ZG16: variants seen among roughly 807,000 people sequenced by gnomAD.
ZG16 encodes the protein zymogen granule protein 16, also known as zymogen granule membrane protein 16.
ZG16 carries 9 observed loss-of-function variants against 15.6 expected under a neutral mutation model. The ratio of observed to expected loss-of-function variants is 0.58; its 90% confidence interval spans 0.35 to 1.00. ZG16 has a LOEUF of 1.00. Among genes scored for constraint, ZG16 ranks in the 50% least tolerant of loss-of-function variants. The pLI, the probability that ZG16 is intolerant of heterozygous loss-of-function variation, is 0.02. For missense variants in ZG16, 174 were observed against 214.8 expected, an observed-to-expected ratio of 0.81 and a Z score of 1.19; for synonymous variants, 89 against 87.4, an observed-to-expected ratio of 1.02 and a Z score of -0.10.
rs949461417 is a variant in ZG16 at position 29,782,429 on chromosome 16, T to A, written c.*2010T>A. On this transcript the variant is annotated 3_prime_UTR_variant, in exon 4 of 4. Transcript: ENST00000400752. Reference sequence around the variant, plus strand: ...TGAGGAGTTGAAGTTCCCCGTAGGATCTTCTAGGGCTCAACCAGCCTTCAT... The same window carrying A: ...TGAGGAGTTGAAGTTCCCCGTAGGAACTTCTAGGGCTCAACCAGCCTTCAT... 6.6e-6 allele frequency: 1 copy of A among 152,144 alleles called. No homozygotes were observed. The highest frequency in any genetic ancestry group is 6.5e-5 in the Admixed American group (1 of 15,270). 9.4% of individuals were successfully genotyped at this position (152,144 alleles called of 1,614,324 possible).
chr16:29,780,317 C>T lies in ZG16; in HGVS notation c.402C>T (p.His134=). The T allele has an allele frequency of 6.5e-7, 1 of 1,537,350 alleles. No individual in the cohort carries two copies. Among genetic ancestry groups the T allele is most frequent in the South Asian group, 1.2e-5 (1 of 84,064 alleles). The change falls in exon 4 of 4, where the codon CAC becomes CAT. Residue 134 remains histidine, a synonymous_variant. Coordinates refer to ENST00000400752, the MANE Select transcript of ZG16 (RefSeq NM_152338.4). Reference sequence around the variant, plus strand: ...CAAGTTTCAATGCCGTCCCCTTGCACCCCAACACCGTGCTCCGCTTCATCA... The same window carrying T: ...CAAGTTTCAATGCCGTCCCCTTGCATCCCAACACCGTGCTCCGCTTCATCA... ...SGTSFNAVPL[H]PNTVLRFISG... is the part of the protein sequence containing the mutation.
rs1157165347 is a variant in ZG16, at chr16:29,779,406, GC to G, written c.55+86del. 3 of 1,535,118 alleles carry G rather than the reference GC, an allele frequency of 2.0e-6. No individual in the cohort carries two copies. In the African/African-American group the frequency reaches 4.1e-5, roughly 21 times the overall value. The stretch of plus-strand genomic sequence containing the variant: ...TGTTGGCCAAGGCTTTTGGAGGTTG[GC>G]TTGGGGTGGGGAGCTGAGTTGTCGG... On this transcript the variant is annotated intron_variant, in intron 2 of 3. Transcript: ENST00000400752.
Position 29,781,596 on chromosome 16 carries a change from G to A in ZG16, c.*1177G>A, listed in dbSNP as rs1898625510. On this transcript the variant is annotated 3_prime_UTR_variant, in exon 4 of 4. Transcript: ENST00000400752. ...GAGTTGGAGACAAGCCTCCAACATG[G>A]TAAAACCCTGTCTCTACTAAAAATA... 1 of 152,124 alleles carries A rather than the reference G, an allele frequency of 6.6e-6. No homozygotes were observed. Among genetic ancestry groups the A allele is most frequent in the African/African-American group, 2.4e-5 (1 of 41,388 alleles). 9.4% of individuals were successfully genotyped at this position (152,124 alleles called of 1,614,324 possible).
chr16:29,778,768 T>G (rs235662), intron 1 of ZG16, among the ~76,000 whole-genome samples: 137,599 of 152,120 alleles, frequency 0.9, 63,732 homozygotes, highest in Non-Finnish European at 1. Context: ...TGCCCCATAA[T>G]CCAGGCCAAT....
Position 29,780,642 on chromosome 16 carries a change from G to A in ZG16, c.*223G>A. 3.7e-6 allele frequency: 2 copies of A among 543,372 alleles called. No homozygotes were observed. Among genetic ancestry groups the A allele is most frequent in the East Asian group, 3.0e-5 (1 of 32,988 alleles). The allele number at this position is 543,372 out of a possible 1,614,324, so 33.7% of individuals were successfully genotyped here. A position where few individuals can be genotyped will look rare whatever the true frequency, so the allele number is the denominator to read the frequency against. On this transcript the variant is annotated 3_prime_UTR_variant, in exon 4 of 4. Coordinates refer to ENST00000400752, the MANE Select transcript of ZG16 (RefSeq NM_152338.4). The stretch of plus-strand genomic sequence containing the variant: ...AGATGGGAAGATGAGGGAGAGGTAT[G>A]TAAGAATCCTGGGCTTTGTGCTATA...
intron 3 of ZG16, 111 bp from the exon 4 acceptor site, chr16:29,779,993 C>A: frequency 9.6e-7 from 1 of 1,037,952 alleles, no homozygotes; most frequent in Non-Finnish European, 1.4e-6. Context: ...TTGAAGTTCC[C>A]TGTAGGATCT....
rs1263258403 is a variant in ZG16 at position 29,780,093 on chromosome 16, C to A, written c.189-11C>A. 6.5e-7 allele frequency: 1 copy of A among 1,530,200 alleles called. No homozygotes were observed. The highest frequency in any genetic ancestry group is 2.0e-5 in the Admixed American group (1 of 50,580). The allele number at this position is 1,530,200 out of a possible 1,614,324, so 94.8% of individuals were successfully genotyped here. ...CCTTTCTTTCTCCTTCCTTCCTCCC[C>A]TCTTCCTCAGTCTTCAGGTGCGCTA... On this transcript the variant is annotated splice_polypyrimidine_tract_variant and intron_variant, in intron 3 of 3. Coordinates refer to ENST00000400752, the MANE Select transcript of ZG16 (RefSeq NM_152338.4).
intron 3 of ZG16, 44 bp from the exon 4 acceptor site, chr16:29,780,060 T>G (rs1298855315): frequency 6.7e-7 from 1 of 1,486,892 alleles, no homozygotes; most frequent in Non-Finnish European, 9.0e-7. Flanking sequence ...CTCTCATCCC[T>G]ATCATCACCT....
rs1045033497 is a variant in ZG16 at position 29,782,108 on chromosome 16, C to T, written c.*1689C>T. 3 of 152,230 alleles carry T rather than the reference C, an allele frequency of 2.0e-5. No individual in the cohort carries two copies. Among genetic ancestry groups the T allele is most frequent in the Non-Finnish European group, 4.4e-5 (3 of 68,036 alleles). The allele number at this position is 152,230 out of a possible 1,614,324, so 9.4% of individuals were successfully genotyped here. On this transcript the variant is annotated 3_prime_UTR_variant, in exon 4 of 4. Transcript: ENST00000400752. ...TGCACCCAAATGCTGTCCTTTAACT[C>T]ATCAGTTACAGTGCTGGATCCCTCA... is the stretch of plus-strand genomic sequence containing the variant.
rs1331479759 is a variant in ZG16, at chr16:29,781,101, T to C, written c.*682T>C. On this transcript the variant is annotated 3_prime_UTR_variant, in exon 4 of 4. Coordinates refer to ENST00000400752, the MANE Select transcript of ZG16 (RefSeq NM_152338.4). ...CCCTGCCCACACTATGCTCTTAGGC[T>C]TTAGCCATCAGAAGGTTACAGTGGA... The C allele has an allele frequency of 3.3e-5, 5 of 152,314 alleles. No homozygotes were observed. Among genetic ancestry groups the C allele is most frequent in the Non-Finnish European group, 5.9e-5 (4 of 68,136 alleles). The allele number at this position is 152,314 out of a possible 1,614,324, so 9.4% of individuals were successfully genotyped here. A position where few individuals can be genotyped will look rare whatever the true frequency, so the allele number is the denominator to read the frequency against.
In ZG16 at chr16:29,780,460, A is replaced by T. The variant is rs1358593820; in HGVS notation, c.*41A>T. The T allele has an allele frequency of 1.6e-5, 24 of 1,462,320 alleles. No homozygotes were observed. The highest frequency in any genetic ancestry group is 2.1e-5 in the Non-Finnish European group (23 of 1,098,592). The allele number at this position is 1,462,320 out of a possible 1,614,324, so 90.6% of individuals were successfully genotyped here. ...CAGGGGCACTGTGATGAGGAGTAAGAACTCCCTTATCACTAACCCCCATCC... is the reference window on the plus strand; with the variant it reads ...CAGGGGCACTGTGATGAGGAGTAAGTACTCCCTTATCACTAACCCCCATCC... On this transcript the variant is annotated 3_prime_UTR_variant, in exon 4 of 4. Coordinates refer to ENST00000400752, the MANE Select transcript of ZG16 (RefSeq NM_152338.4).
rs182447381 is a variant in ZG16, at chr16:29,779,052, G to A, written c.-7-208G>A. Among the ~76,000 whole-genome samples, 16 of 152,312 alleles carry A rather than the reference G, an allele frequency of 1.1e-4. No homozygotes were observed. The East Asian group carries it at 2.9e-3, about 28-fold the overall frequency. ...GGCTACAGCCAGACCAGGGAGAGCT[G>A]GAGGGGTCAGGGACATTGAAGGTAG... On this transcript the variant is annotated intron_variant, in intron 1 of 3. Coordinates refer to ENST00000400752, the MANE Select transcript of ZG16 (RefSeq NM_152338.4).
Position 29,779,505 on chromosome 16 carries a change from T to C in ZG16, c.56T>C (p.Ile19Thr), listed in dbSNP as rs1898597482. The part of the protein sequence containing the change: ...LLCASASGNA[I>T]QARSSSYSGE... ...CTCCAACTCCTGCTTGCCCCTCCAG[T>C]TCAGGCCAGGTCTTCCTCCTATAGT... The change falls in exon 3 of 4, where the codon ATT (isoleucine) becomes ACT (threonine). Residue 19 changes from isoleucine to threonine, a missense_variant and splice_region_variant. Coordinates refer to ENST00000400752, the MANE Select transcript of ZG16 (RefSeq NM_152338.4). The C allele has an allele frequency of 2.0e-6, 3 of 1,537,126 alleles. No homozygotes were observed. Among genetic ancestry groups the C allele is most frequent in the East Asian group, 2.4e-5 (1 of 40,896 alleles).
chr16:29,782,039 C>T lies in ZG16; in HGVS notation c.*1620C>T, dbSNP rs548811947. On this transcript the variant is annotated 3_prime_UTR_variant, in exon 4 of 4. Transcript: ENST00000400752. The stretch of plus-strand genomic sequence containing the variant: ...GTCTTTGTGACAGACAAGAGCTGCT[C>T]TGCCTCTTGGGAAACACAGGCACCA... 1 of 152,380 alleles carries T rather than the reference C, an allele frequency of 6.6e-6. No homozygotes were observed. The highest frequency in any genetic ancestry group is 6.5e-5 in the Admixed American group (1 of 15,296). The allele number at this position is 152,380 out of a possible 1,614,324, so 9.4% of individuals were successfully genotyped here.
intron 2 of ZG16, 75 bp from the exon 3 acceptor site, chr16:29,779,430 C>T (rs908613623): frequency 6.5e-6 from 10 of 1,534,504 alleles, no homozygotes; most frequent in South Asian, 3.6e-5. Flanking sequence ...GCTGAGTTGT[C>T]GGAGGAACAG....
At position 29,779,317 on chromosome 16, in the gene ZG16, T is replaced by C. The variant is rs1482048692; in HGVS notation, c.51T>C (p.Asn17=). Reference sequence around the variant, plus strand: ...TTCTCTGTGCCTCAGCCTCTGGCAATGCCAGTAAGTGAGATACCAGGAGCC... The same window carrying C: ...TTCTCTGTGCCTCAGCCTCTGGCAACGCCAGTAAGTGAGATACCAGGAGCC... The part of the protein sequence containing the change: ...LALLCASASG[N]AIQARSSSYS... The change falls in exon 2 of 4, where the codon AAT becomes AAC. Residue 17 remains asparagine (N), a synonymous_variant. Transcript: ENST00000400752. The C allele has an allele frequency of 1.3e-6, 2 of 1,537,686 alleles. No individual in the cohort carries two copies. Among genetic ancestry groups the C allele is most frequent in the African/African-American group, 1.4e-5 (1 of 73,158 alleles).
At position 29,782,171 on chromosome 16, in the gene ZG16, G is replaced by T. The variant is rs1293635421; in HGVS notation, c.*1752G>T. On this transcript the variant is annotated 3_prime_UTR_variant, in exon 4 of 4. Transcript: ENST00000400752. ...CGGGGCTAGCAATATGTCTGCCCCA[G>T]TGAATGCAGCCGCCACGGAGCCCCA... 1 of 152,292 alleles carries T rather than the reference G, an allele frequency of 6.6e-6. No homozygotes were observed. Among genetic ancestry groups the T allele is most frequent in the Non-Finnish European group, 1.5e-5 (1 of 68,068 alleles). 9.4% of individuals were successfully genotyped at this position (152,292 alleles called of 1,614,324 possible).
intron 1 of ZG16, 74 bp from the exon 2 acceptor site, chr16:29,779,186 T>A (rs2142353055): frequency 6.9e-7 from 1 of 1,453,852 alleles, no homozygotes; most frequent in Admixed American, 2.0e-5. Flanking sequence ...GAGCTGCAGG[T>A]CAGGAGTGCC....
At position 29,782,704 on chromosome 16, in the gene ZG16, A is replaced by G. The variant is rs1898636554; in HGVS notation, c.*2285A>G. 6.6e-6 allele frequency: 1 copy of G among 152,414 alleles called. No homozygotes were observed. 9.4% of individuals were successfully genotyped at this position (152,414 alleles called of 1,614,324 possible). A position where few individuals can be genotyped will look rare whatever the true frequency, so the allele number is the denominator to read the frequency against. ...AGGGGCACTGTGGTGAGGAGGAAGGATTCCCTTATCACAAATCTCCATCCA... is the reference window on the plus strand; with the variant it reads ...AGGGGCACTGTGGTGAGGAGGAAGGGTTCCCTTATCACAAATCTCCATCCA... On this transcript the variant is annotated 3_prime_UTR_variant, in exon 4 of 4. Transcript: ENST00000400752.
Sources: gnomAD v4.1 joint callset for allele counts (sites outside exome capture counted in the v4.1 genomes callset) on GRCh38, gnomAD v4.1.1 for gene constraint, MANE v1.5 for transcripts, NCBI Gene and HGNC (gene_info 2026-07-23, HGNC 2026-07-21) for gene names.